Variants in UBAC2 observed in about 807,000 individuals in gnomAD.
UBAC2 encodes UBA domain containing 2, also known as ubiquitin-associated domain-containing protein 2.
UBAC2 carries 26 observed loss-of-function variants against 44.0 expected under a neutral mutation model. That is an observed-to-expected ratio of 0.59 (90% CI 0.43 to 0.82). The LOEUF (loss-of-function observed/expected upper bound fraction) is 0.82. Among genes scored for constraint, UBAC2 ranks in the 40% least tolerant of loss-of-function variants. The pLI is 0.00. For synonymous variants in UBAC2, 155 were observed against 154.3 expected (o/e 1.00, Z -0.04); for missense variants, 329 against 419.4 (o/e 0.78, Z 1.88).
intron 8 of UBAC2, among the ~76,000 whole-genome samples, chr13:99,374,286 C>G (rs1218065573): frequency 1.3e-5 from 2 of 152,016 alleles, no homozygotes; most frequent in Non-Finnish European, 2.9e-5. Flanking sequence ...TCTGGGATCT[C>G]CTATTTTTAG....
intron 1 of UBAC2, among the ~76,000 whole-genome samples, chr13:99,203,277 C>G (rs2042828444): frequency 6.6e-6 from 1 of 152,086 alleles, no homozygotes; most frequent in Admixed American, 6.5e-5. Flanking sequence ...CTCAAGTGGT[C>G]CTCCCGCCTC....
At chr13:99,229,384 G>A (rs2043147770) in intron 1 of UBAC2, among the ~76,000 whole-genome samples, 1 of 152,230 alleles carries the variant, frequency 6.6e-6, no homozygotes, top group Admixed American at 6.5e-5. Context: ...TTTTCCAAAG[G>A]CATTGAAACA....
At position 99,233,772 on chromosome 13, in the gene UBAC2, G is replaced by C. The variant is rs915886339; in HGVS notation, c.32-4655G>C. Reference sequence around the variant, plus strand: ...CAAAATTATCATTATGTAAACCCTAGTGTAAGTCTTAATTGTAAACTTTTT... The same window carrying C: ...CAAAATTATCATTATGTAAACCCTACTGTAAGTCTTAATTGTAAACTTTTT... On this transcript the variant is annotated intron_variant, in intron 1 of 8. Coordinates refer to ENST00000403766, the MANE Select transcript of UBAC2 (RefSeq NM_001144072.2). Among the ~76,000 whole-genome samples, 67 of 152,122 alleles carry C rather than the reference G, an allele frequency of 4.4e-4. 1 individual carries two copies. Among genetic ancestry groups the C allele is most frequent in the African/African-American group, 1.5e-3 (61 of 41,496 alleles).
intron 1 of UBAC2, among the ~76,000 whole-genome samples, chr13:99,217,202 C>T (rs7338177): frequency 0.46 from 70,317 of 152,024 alleles, 18,741 homozygotes; most frequent in Non-Finnish European, 0.61. Context: ...TCAGCTAGGC[C>T]GTTGCTCAGC....
chr13:99,374,875 C>T (rs911128758), intron 8 of UBAC2, among the ~76,000 whole-genome samples: 1 of 152,160 alleles, frequency 6.6e-6, no homozygotes, highest in African/African-American at 2.4e-5. Context: ...ACACAGGTGC[C>T]CCAGCATCGG....
Position 99,299,688 on chromosome 13 carries a change from A to G in UBAC2, c.390-14409A>G, listed in dbSNP as rs550257261. ...ACCTTGTTATCTGACATGCTTTTCA[A>G]AGCTTGCTGTTCAGTGTTCCTTTTT... On this transcript the variant is annotated intron_variant, in intron 4 of 8. Transcript: ENST00000403766. Among the ~76,000 whole-genome samples the G allele has an allele frequency of 1.2e-3, 179 of 152,268 alleles. 3 individuals are homozygous for G. The highest frequency in any genetic ancestry group is 9.9e-3 in the South Asian group (48 of 4,826).
At chr13:99,323,259 G>T (rs940091884) in intron 6 of UBAC2, among the ~76,000 whole-genome samples, 1 of 152,034 alleles carries the variant, frequency 6.6e-6, no homozygotes. Flanking sequence ...TAGAGATTTG[G>T]ATTATTTTCT....
intron 8 of UBAC2, chr13:99,376,776 T>C (rs1170382132): frequency 2.6e-5 from 4 of 152,268 alleles, no homozygotes; most frequent in East Asian, 1.9e-4. Flanking sequence ...AATCTGATAT[T>C]TTGTGGTGAG....
intron 1 of UBAC2, among the ~76,000 whole-genome samples, chr13:99,223,874 T>A (rs1405987631): frequency 6.6e-6 from 1 of 152,128 alleles, no homozygotes; most frequent in Non-Finnish European, 1.5e-5. Flanking sequence ...TTCCTTTAAA[T>A]TTTTTTGAGG....
intron 4 of UBAC2, among the ~76,000 whole-genome samples, chr13:99,262,963 G>T (rs562671174): frequency 6.6e-6 from 1 of 152,208 alleles, no homozygotes; most frequent in South Asian, 2.1e-4. Context: ...GTAATCAGAG[G>T]TGACTGTCAG....
chr13:99,273,780 C>G (rs1183723271), intron 4 of UBAC2, among the ~76,000 whole-genome samples: 2 of 151,604 alleles, frequency 1.3e-5, no homozygotes, highest in Non-Finnish European at 2.9e-5. Context: ...TTATTTTGAT[C>G]ACCTCCTCTT....
chr13:99,232,420 A>ATATATATATATATATATT (rs1438082766), intron 1 of UBAC2, among the ~76,000 whole-genome samples: 1 of 142,618 alleles, frequency 7.0e-6, no homozygotes, highest in African/African-American at 2.6e-5. Flanking sequence ...ATATATATAT[A>ATATATATATATATATATT]TTCACACACA....
chr13:99,230,734 C>T (rs939353260), intron 1 of UBAC2, among the ~76,000 whole-genome samples: 3 of 152,130 alleles, frequency 2.0e-5, no homozygotes, highest in Non-Finnish European at 4.4e-5. Flanking sequence ...AACTTACTCT[C>T]CTGCCTCCCT....
chr13:99,338,054 T>TC (rs2044823532), intron 6 of UBAC2, among the ~76,000 whole-genome samples: 3 of 77,786 alleles, frequency 3.9e-5, no homozygotes, highest in Admixed American at 2.4e-4. Context: ...TTTCTTTTTT[T>TC]TTTTTTTTTT....
At chr13:99,242,798 G>C in intron 2 of UBAC2, among the ~76,000 whole-genome samples, 1 of 147,542 alleles carries the variant, frequency 6.8e-6, no homozygotes, top group Non-Finnish European at 1.5e-5. Flanking sequence ...CCCAGACGGG[G>C]TGGCTGCCGG....
Position 99,369,396 on chromosome 13 carries a change from T to A in UBAC2, c.927+1490T>A, listed in dbSNP as rs553584404. On this transcript the variant is annotated intron_variant, in intron 8 of 8. Transcript: ENST00000403766. ...TACGTGGTACGAGACTCTTTTGCGATGCTGGGCAGCGACTGTGAACCGTTC... is the reference window on the plus strand; with the variant it reads ...TACGTGGTACGAGACTCTTTTGCGAAGCTGGGCAGCGACTGTGAACCGTTC... Among the ~76,000 whole-genome samples the A allele has an allele frequency of 4.6e-5, 7 of 152,338 alleles. No homozygotes were observed. In the East Asian group the frequency reaches 1.4e-3, roughly 29 times the overall value.
intron 4 of UBAC2, among the ~76,000 whole-genome samples, chr13:99,311,347 C>G (rs1331478765): frequency 6.6e-6 from 1 of 152,108 alleles, no homozygotes; most frequent in Non-Finnish European, 1.5e-5. Context: ...TGAGAAGGTG[C>G]TGTCCTGCGG....
At chr13:99,277,037 G>C (rs150426294) in intron 4 of UBAC2, among the ~76,000 whole-genome samples, 135 of 152,140 alleles carry the variant, frequency 8.9e-4, no homozygotes, top group Non-Finnish European at 1.4e-3. Context: ...CTTAGTATTT[G>C]GTTTTCTCAG....
chr13:99,251,090 T>C (rs531069266), intron 4 of UBAC2, among the ~76,000 whole-genome samples: 1 of 152,290 alleles, frequency 6.6e-6, no homozygotes, highest in Non-Finnish European at 1.5e-5. Flanking sequence ...GTAGTTCTTG[T>C]AGAGATCTTT....
Sources: allele counts gnomAD v4.1 joint callset (sites outside exome capture counted in the v4.1 genomes callset), GRCh38; gene constraint gnomAD v4.1.1; transcripts MANE v1.5; gene names NCBI Gene and HGNC (gene_info 2026-07-23, HGNC 2026-07-21).